CDC42: variants seen among roughly 807,000 people sequenced by gnomAD.
CDC42 encodes the protein cell division control protein 42 homolog.
In CDC42, 1 loss-of-function variant was observed where a neutral mutation model predicts 20.8. The ratio of observed to expected loss-of-function variants is 0.05; its 90% CI spans 0.02 to 0.23. The LOEUF is 0.23. CDC42 is among the 10% of genes least tolerant of loss of function. The pLI is 1.00. For synonymous variants in CDC42, 72 were observed against 84.8 expected, an observed-to-expected ratio of 0.85 and a Z score of 0.83; for missense variants, 49 against 227.9, an observed-to-expected ratio of 0.21 and a Z score of 5.05.
chr1:22,061,389 CAA>C (rs776356129), intron 1 of CDC42, among the ~76,000 whole-genome samples: 5 of 125,622 alleles, frequency 4.0e-5, no homozygotes, highest in African/African-American at 9.3e-5. Context: ...GTCTGAGTAA[CAA>C]GAGCAAAACT....
intron 3 of CDC42, among the ~76,000 whole-genome samples, chr1:22,084,360 T>TTA (rs1553195863): frequency 7.3e-6 from 1 of 137,774 alleles, no homozygotes; most frequent in African/African-American, 2.8e-5. Context: ...TTTTTTTTTT[T>TTA]AATTGTAGCC....
intron 1 of CDC42, among the ~76,000 whole-genome samples, chr1:22,067,153 A>T (rs137909559): frequency 1.0e-3 from 155 of 152,280 alleles, no homozygotes; most frequent in African/African-American, 3.5e-3. Flanking sequence ...GGGCCTTGCC[A>T]TGGGTTCTGT....
intron 1 of CDC42, among the ~76,000 whole-genome samples, chr1:22,072,557 G>A (rs1279073203): frequency 6.6e-6 from 1 of 152,066 alleles, no homozygotes; most frequent in East Asian, 1.9e-4. Flanking sequence ...CAAATCTTCT[G>A]TTCTGGAGTT....
At chr1:22,076,715 A>T (rs1008738702) in intron 1 of CDC42, among the ~76,000 whole-genome samples, 1 of 152,184 alleles carries the variant, frequency 6.6e-6, no homozygotes, top group African/African-American at 2.4e-5. Flanking sequence ...TTTTAGATTT[A>T]ACCAGTAATT....
intron 1 of CDC42, chr1:22,053,573 A>G (rs1014186700): frequency 1.3e-5 from 2 of 151,898 alleles, no homozygotes; most frequent in Admixed American, 6.6e-5. Context: ...TCGGGGGGGA[A>G]TTTTCTTTGT....
intron 1 of CDC42, among the ~76,000 whole-genome samples, chr1:22,054,330 C>G (rs1645271604): frequency 6.6e-6 from 1 of 152,014 alleles, no homozygotes; most frequent in South Asian, 2.1e-4. Flanking sequence ...AGCCTCCCAC[C>G]TCAGCCTCCC....
In CDC42 at chr1:22,094,298, T is replaced by TATAG; in HGVS notation, c.*2781_*2782insATAG. Reference sequence around the variant, plus strand: ...TACTGAACATCCTAGAAATAGATTTTTTTTTTTTTTTTTTTTTGAGACGGA... The same window carrying TATAG: ...TACTGAACATCCTAGAAATAGATTTTATAGTTTTTTTTTTTTTTTTTGAGACGGA... On this transcript the variant is annotated 3_prime_UTR_variant, in exon 6 of 6. Coordinates refer to ENST00000656825, the MANE Select transcript of CDC42 (RefSeq NM_001791.4). Among the ~76,000 whole-genome samples, 183 of 41,430 alleles carry TATAG rather than the reference T, an allele frequency of 4.4e-3. 18 individuals carry two copies. Among genetic ancestry groups the TATAG allele is most frequent in the African/African-American group, 0.017 (171 of 10,254 alleles). 27.2% of individuals were successfully genotyped at this position (41,430 alleles called of 152,430 possible). A position where few individuals can be genotyped will look rare whatever the true frequency, so the allele number is the denominator to read the frequency against.
rs1404317396 is a variant in CDC42, at chr1:22,061,528, C to CTTTTTTTTTTTTTTTTT, written c.-51+8789_-51+8790insTTTTTTTTTTTTTTTTT. 9.3e-5 allele frequency among the ~76,000 whole-genome samples: 8 copies of CTTTTTTTTTTTTTTTTT among 86,306 alleles called. 4 individuals are homozygous for CTTTTTTTTTTTTTTTTT. Among genetic ancestry groups the CTTTTTTTTTTTTTTTTT allele is most frequent in the Non-Finnish European group, 8.8e-5 (4 of 45,674 alleles). 56.6% of individuals were successfully genotyped at this position (86,306 alleles called of 152,430 possible). A position where few individuals can be genotyped will look rare whatever the true frequency, so the allele number is the denominator to read the frequency against. ...GGTCAATCAGTTTAACTTCATGTTTCTTTCTTTTTTTTTTTTTTTTTTTTT... is the reference window on the plus strand; with the variant it reads ...GGTCAATCAGTTTAACTTCATGTTTCTTTTTTTTTTTTTTTTTTTTCTTTTTTTTTTTTTTTTTTTTT... On this transcript the variant is annotated intron_variant, in intron 1 of 5. Transcript: ENST00000656825.
rs16826526 is a variant in CDC42, at chr1:22,085,691, A to G, written c.179-748A>G. On this transcript the variant is annotated intron_variant, in intron 3 of 5. Transcript: ENST00000656825. Reference sequence around the variant, plus strand: ...TTTGAGTATCGATTAATTCTTGCTAAATTTGTTTTCTAGGCTTTATCAGTT... The same window carrying G: ...TTTGAGTATCGATTAATTCTTGCTAGATTTGTTTTCTAGGCTTTATCAGTT... Among the ~76,000 whole-genome samples the G allele has an allele frequency of 6.2e-3, 943 of 152,142 alleles. 10 individuals are homozygous for G. Among genetic ancestry groups the G allele is most frequent in the African/African-American group, 0.022 (911 of 41,496 alleles).
At chr1:22,069,005 G>C (rs146803640) in intron 1 of CDC42, among the ~76,000 whole-genome samples, 1 of 152,254 alleles carries the variant, frequency 6.6e-6, no homozygotes, top group East Asian at 1.9e-4. Flanking sequence ...AAGAGGGCGT[G>C]AACTTTGTTA....
Position 22,098,364 on chromosome 1 carries a change from CTGA to C in CDC42, c.*6848_*6850del, listed in dbSNP as rs1645770594. Among the ~76,000 whole-genome samples, 1 of 151,992 alleles carries C rather than the reference CTGA, an allele frequency of 6.6e-6. No individual in the cohort carries two copies. Among genetic ancestry groups the C allele is most frequent in the East Asian group, 1.9e-4 (1 of 5,190 alleles). On this transcript the variant is annotated 3_prime_UTR_variant, in exon 6 of 6. Transcript: ENST00000656825. ...TGAAAAAAAAAATACTCCTGAGATT[CTGA>C]ATCTGTAAGTATGCAATGGGACCTG...
intron 1 of CDC42, among the ~76,000 whole-genome samples, chr1:22,075,543 A>G (rs532933297): frequency 1.0e-3 from 154 of 152,316 alleles, no homozygotes; most frequent in African/African-American, 3.5e-3. Context: ...AAAAAGTGTT[A>G]TGAGTTCCTT....
intron 1 of CDC42, among the ~76,000 whole-genome samples, chr1:22,071,118 A>G (rs771118527): frequency 1.9e-4 from 25 of 132,386 alleles, no homozygotes; most frequent in Non-Finnish European, 3.4e-4. Flanking sequence ...GTCTCGGCTC[A>G]CTGCAAGCTC....
chr1:22,080,406 C>CT (rs1349034458), intron 2 of CDC42, among the ~76,000 whole-genome samples: 1 of 152,100 alleles, frequency 6.6e-6, no homozygotes, highest in Non-Finnish European at 1.5e-5. Context: ...ACCGACTTTC[C>CT]TTTAACTGTC....
intron 1 of CDC42, among the ~76,000 whole-genome samples, chr1:22,054,927 T>A (rs1314177615): frequency 0.14 from 1,556 of 10,800 alleles, 56 homozygotes; most frequent in East Asian, 0.23. Flanking sequence ...ATATATTTTT[T>A]TTTTTTTTTT....
intron 1 of CDC42, among the ~76,000 whole-genome samples, chr1:22,067,821 C>T (rs1013021821): frequency 1.3e-5 from 2 of 152,136 alleles, no homozygotes; most frequent in Non-Finnish European, 2.9e-5. Flanking sequence ...CAGGTGTCAG[C>T]TTATGAATTT....
chr1:22,084,738 A>G (rs1027156145), intron 3 of CDC42, among the ~76,000 whole-genome samples: 1 of 152,090 alleles, frequency 6.6e-6, no homozygotes, highest in African/African-American at 2.4e-5. Context: ...GTCCACCTGA[A>G]TCTTTTGCCC....
At chr1:22,069,498 C>G (rs1645460642) in intron 1 of CDC42, among the ~76,000 whole-genome samples, 1 of 152,018 alleles carries the variant, frequency 6.6e-6, no homozygotes, top group African/African-American at 2.4e-5. Context: ...TGTTCTCTTA[C>G]CCAGGCTGGA....
intron 1 of CDC42, among the ~76,000 whole-genome samples, 151 bp from the exon 2 acceptor site, chr1:22,078,278 T>C (rs16826465): frequency 1.7e-3 from 257 of 152,366 alleles, no homozygotes; most frequent in African/African-American, 5.7e-3. Flanking sequence ...TTGTAACTTA[T>C]AGCAAGTCAT....
Sources: allele counts gnomAD v4.1 joint callset (sites outside exome capture counted in the v4.1 genomes callset), GRCh38; gene constraint gnomAD v4.1.1; transcripts MANE v1.5; gene names NCBI Gene and HGNC (gene_info 2026-07-23, HGNC 2026-07-21).